The following LRRFIP2 variants were observed in gnomAD, a reference collection of about 807,000 sequenced individuals.
The protein encoded by LRRFIP2 is leucine-rich repeat flightless-interacting protein 2.
A neutral mutation model predicts 125.9 loss-of-function variants in LRRFIP2; 109 were observed. That is an observed-to-expected ratio of 0.87 (90% CI 0.74 to 1.01). The LOEUF (loss-of-function observed/expected upper bound fraction) is 1.01. LRRFIP2 is among the 50% of genes least tolerant of loss of function. The probability of loss-of-function intolerance (pLI) is 0.00; values close to 1 mark genes in which losing one functional copy is unlikely to be tolerated. For synonymous variants in LRRFIP2, 291 were observed against 293.1 expected, an observed-to-expected ratio of 0.99 and a Z score of 0.07; for missense variants, 850 against 862.3, an observed-to-expected ratio of 0.99 and a Z score of 0.18.
chr3:37,073,459 T>C (rs914793669), intron 20 of LRRFIP2, among the ~76,000 whole-genome samples: 3 of 152,222 alleles, frequency 2.0e-5, no homozygotes, highest in Non-Finnish European at 4.4e-5. Context: ...AATTAGGCAA[T>C]GGTGCTTAAC....
At chr3:37,066,094 C>G in intron 22 of LRRFIP2, 130 bp downstream of exon 22, 6 of 1,316,408 alleles carry the variant, frequency 4.6e-6, no homozygotes, top group Non-Finnish European at 5.4e-6. Context: ...ATAGCTTCAA[C>G]CTACCAAATC....
chr3:37,112,565 A>G (rs151105064), intron 8 of LRRFIP2, among the ~76,000 whole-genome samples: 7 of 152,264 alleles, frequency 4.6e-5, no homozygotes, highest in Non-Finnish European at 7.4e-5. Flanking sequence ...CCTATTTGTG[A>G]GTTTAGTTAC....
chr3:37,063,775 T>C lies in LRRFIP2; in HGVS notation c.1716A>G (p.Lys572=), dbSNP rs138277999. The part of the protein sequence containing the change: ...GEGPLDVRLR[K]LAGEKEELLS... ...GTAGTTCTTCCTTCTCTCCAGCAAG[T>C]TTTCGTAGCCTTACATCTAAAACAA... The change falls in exon 24 of 28, where the codon AAA becomes AAG. Residue 572 remains lysine (K), a synonymous_variant. Transcript: ENST00000336686. 4.3e-6 allele frequency: 7 copies of C among 1,611,756 alleles called. No homozygotes were observed. The African/African-American group carries it at 8.0e-5, about 18-fold the overall frequency.
Position 37,083,685 on chromosome 3 carries a change from T to C in LRRFIP2, c.1229A>G (p.Gln410Arg), listed in dbSNP as rs1284673649. 6.3e-7 allele frequency: 1 copy of C among 1,588,592 alleles called. No individual in the cohort carries two copies. The highest frequency in any genetic ancestry group is 1.8e-5 in the Admixed American group (1 of 54,500). ...ATAAAATTCTGCCATCTGTTCCTCC[T>C]GCTCTTCAATAACATCCTTGAGTGT... Reference protein sequence around the residue: ...VDTLKDVIEEQEEQMAEFYRE... With the variant: ...VDTLKDVIEEREEQMAEFYRE... The change falls in exon 19 of 28, where the codon CAG becomes CGG. Residue 410 changes from glutamine to arginine, a missense_variant. Coordinates refer to ENST00000336686, the MANE Select transcript of LRRFIP2 (RefSeq NM_006309.4).
At chr3:37,103,880 G>C (rs2094192492) in intron 14 of LRRFIP2, among the ~76,000 whole-genome samples, 1 of 152,002 alleles carries the variant, frequency 6.6e-6, no homozygotes, top group Admixed American at 6.6e-5. Context: ...AGTATTCCTA[G>C]CACTTAACAC....
rs533520549 is a variant in LRRFIP2 at position 37,095,326 on chromosome 3, TTCTC to T, written c.919-422_919-419del. 6.4e-3 allele frequency among the ~76,000 whole-genome samples: 979 copies of T among 152,338 alleles called. 10 individuals are homozygous for T. The highest frequency in any genetic ancestry group is 0.022 in the African/African-American group (927 of 41,570). On this transcript the variant is annotated intron_variant, in intron 16 of 27. Coordinates refer to ENST00000336686, the MANE Select transcript of LRRFIP2 (RefSeq NM_006309.4). ...TCTGAACTGCTTATCAATCTCTTCT[TTCTC>T]TAATACTCTGTTGAGTTGATAAAGG... is the stretch of plus-strand genomic sequence containing the variant.
chr3:37,121,881 TGTGTGTAA>T (rs1207910248), intron 4 of LRRFIP2, among the ~76,000 whole-genome samples, 190 bp from the exon 5 acceptor site: 1 of 133,130 alleles, frequency 7.5e-6, no homozygotes, highest in Admixed American at 7.6e-5. Context: ...TGTGTGTGTG[TGTGTGTAA>T]GTTTCAATAT....
chr3:37,063,654 T>C lies in LRRFIP2; in HGVS notation c.1749+88A>G, dbSNP rs1024831489. On this transcript the variant is annotated intron_variant, in intron 24 of 27. Coordinates refer to ENST00000336686, the MANE Select transcript of LRRFIP2 (RefSeq NM_006309.4). ...TGAGTACTGATGTTTGAAAGAAGCA[T>C]ATTTTTTTAATGAACATTTCAATTA... is the stretch of plus-strand genomic sequence containing the variant. 1.0e-4 allele frequency: 97 copies of C among 960,638 alleles called. 1 individual carries two copies. The highest frequency in any genetic ancestry group is 1.5e-4 in the Non-Finnish European group (90 of 594,260). The allele number at this position is 960,638 out of a possible 1,614,324, so 59.5% of individuals were successfully genotyped here. A position where few individuals can be genotyped will look rare whatever the true frequency, so the allele number is the denominator to read the frequency against.
At position 37,102,908 on chromosome 3, in the gene LRRFIP2, C is replaced by T. The variant is rs1423479389; in HGVS notation, c.873+16G>A. ...CCTGGGACAACATAACCAACCACCCCATGCAATACACTCACGCTGGACAAA... is the reference window on the plus strand; with the variant it reads ...CCTGGGACAACATAACCAACCACCCTATGCAATACACTCACGCTGGACAAA... On this transcript the variant is annotated intron_variant, in intron 15 of 27. Coordinates refer to ENST00000336686, the MANE Select transcript of LRRFIP2 (RefSeq NM_006309.4). The T allele has an allele frequency of 6.5e-7, 1 of 1,528,072 alleles. No homozygotes were observed. The highest frequency in any genetic ancestry group is 1.2e-5 in the South Asian group (1 of 82,310). The allele number at this position is 1,528,072 out of a possible 1,614,324, so 94.7% of individuals were successfully genotyped here. A position where few individuals can be genotyped will look rare whatever the true frequency, so the allele number is the denominator to read the frequency against.
upstream of LRRFIP2, chr3:37,175,775 A>G (rs964458578): frequency 6.6e-6 from 1 of 152,318 alleles, no homozygotes; most frequent in African/African-American, 2.4e-5. Context: ...ACGGAGGGAC[A>G]GCTGCCCAAT....
chr3:37,055,523 G>A (rs767030332), intron 25 of LRRFIP2, among the ~76,000 whole-genome samples: 11 of 152,110 alleles, frequency 7.2e-5, no homozygotes, highest in South Asian at 2.1e-4. Context: ...CTAAGATCGC[G>A]CCACTGCACT....
At chr3:37,079,884 T>C (rs2092473143) in intron 19 of LRRFIP2, among the ~76,000 whole-genome samples, 1 of 152,046 alleles carries the variant, frequency 6.6e-6, no homozygotes, top group African/African-American at 2.4e-5. Flanking sequence ...ACTCTATAGA[T>C]AGAAAGTAGA....
In LRRFIP2 at chr3:37,132,023, T is replaced by C. The variant is rs149265810; in HGVS notation, c.91-2874A>G. 3.9e-5 allele frequency among the ~76,000 whole-genome samples: 6 copies of C among 152,282 alleles called. No individual in the cohort carries two copies. The East Asian group carries it at 1.2e-3, about 29-fold the overall frequency. On this transcript the variant is annotated intron_variant, in intron 2 of 27. Transcript: ENST00000336686. ...GTAACCACTAACAATCTAGAGAAAT[T>C]AGTTTTCTCCCATGAATTTTACACT...
Position 37,054,533 on chromosome 3 carries a change from T to C in LRRFIP2, c.1951-18A>G, listed in dbSNP as rs749072. 434,527 of 1,570,158 alleles carry C rather than the reference T, an allele frequency of 0.28. 64,235 individuals are homozygous for C. Among genetic ancestry groups the C allele is most frequent in the East Asian group, 0.58 (25,872 of 44,698 alleles). ...CGGCTAATCTGTAAGTATGAGAACA[T>C]AGGCCTCTAGTACTGGGCACTAGAA... On this transcript the variant is annotated intron_variant, in intron 26 of 27. Transcript: ENST00000336686.
intron 24 of LRRFIP2, among the ~76,000 whole-genome samples, chr3:37,062,770 C>T (rs184146486): frequency 2.0e-5 from 3 of 152,288 alleles, no homozygotes; most frequent in Admixed American, 2.0e-4. Context: ...AGAATGAAGA[C>T]ATCTTCAGGC....
chr3:37,127,504 C>G, intron 4 of LRRFIP2, 126 bp downstream of exon 4: 2 of 903,606 alleles, frequency 2.2e-6, no homozygotes, highest in Admixed American at 4.1e-5. Flanking sequence ...AGAATAGACA[C>G]TCTGACCTTT....
At chr3:37,091,585 T>G (rs756965872) in intron 17 of LRRFIP2, 47 bp from the exon 18 acceptor site, 3 of 1,318,426 alleles carry the variant, frequency 2.3e-6, no homozygotes, top group Non-Finnish European at 3.2e-6. Context: ...TGCACAAACG[T>G]ATCTTAAATC....
At chr3:37,063,884 A>G (rs879225778) in intron 23 of LRRFIP2, 93 bp from the exon 24 acceptor site, 3 of 836,388 alleles carry the variant, frequency 3.6e-6, no homozygotes, top group South Asian at 2.9e-5. Flanking sequence ...AGCTAATATT[A>G]TCTGATAAAT....
chr3:37,116,759 T>C (rs73824644), intron 6 of LRRFIP2, among the ~76,000 whole-genome samples: 48 of 152,254 alleles, frequency 3.2e-4, no homozygotes, highest in African/African-American at 1.1e-3. Context: ...GAAATGGTCA[T>C]TTACAAAAAA....
Sources: gnomAD v4.1 joint callset for allele counts (sites outside exome capture counted in the v4.1 genomes callset) on GRCh38, gnomAD v4.1.1 for gene constraint, MANE v1.5 for transcripts, NCBI Gene and HGNC (gene_info 2026-07-23, HGNC 2026-07-21) for gene names.